RARS2: variants seen among roughly 807,000 people sequenced by gnomAD.
RARS2 encodes the protein arginyl-tRNA synthetase 2, mitochondrial, also known as probable arginine--tRNA ligase, mitochondrial.
Under a neutral mutation model 88.5 loss-of-function variants are expected in RARS2, and 67 were observed. The observed-to-expected ratio is 0.76, with a 90% CI of 0.62 to 0.93. RARS2 has a LOEUF of 0.93. Among genes scored for constraint, RARS2 ranks in the 40% least tolerant of loss-of-function variants. The pLI, the probability that RARS2 is intolerant of heterozygous loss-of-function variation, is 0.00. For synonymous variants in RARS2, 239 were observed against 230.3 expected (o/e 1.04, Z -0.34); for missense variants, 664 against 684.2 (o/e 0.97, Z 0.33).
intron 8 of RARS2, among the ~76,000 whole-genome samples, chr6:87,539,031 C>T (rs1253319416): frequency 7.0e-6 from 1 of 142,646 alleles, no homozygotes; most frequent in African/African-American, 2.7e-5. Flanking sequence ...AAGATCCTGT[C>T]TCACATAAAT....
At position 87,521,567 on chromosome 6, in the gene RARS2, C is replaced by T. The variant is rs3757371; in HGVS notation, c.975-43G>A. 0.046 allele frequency: 69,389 copies of T among 1,498,304 alleles called. 1,985 individuals are homozygous for T. Among genetic ancestry groups the T allele is most frequent in the African/African-American group, 0.12 (8,477 of 72,524 alleles). 92.8% of individuals were successfully genotyped at this position (1,498,304 alleles called of 1,614,324 possible). On this transcript the variant is annotated intron_variant, in intron 11 of 19. Coordinates refer to ENST00000369536, the MANE Select transcript of RARS2 (RefSeq NM_020320.5). ...TAAACCAAGAGTTACTAAGCAGATC[C>T]GGGTAATAATTGGTCTTACCTATTT...
chr6:87,582,365 G>A (rs1186595317), intron 1 of RARS2, among the ~76,000 whole-genome samples: 2 of 152,140 alleles, frequency 1.3e-5, no homozygotes, highest in African/African-American at 4.8e-5. Context: ...CAGTGATGTT[G>A]AGCTTTTTTT....
At chr6:87,574,292 C>T (rs918034834) in intron 1 of RARS2, among the ~76,000 whole-genome samples, 1 of 152,028 alleles carries the variant, frequency 6.6e-6, no homozygotes, top group Non-Finnish European at 1.5e-5. Context: ...GGCTAGTTTG[C>T]AAAAATTTAA....
At chr6:87,530,757 A>G in intron 9 of RARS2, 27 bp downstream of exon 9, 6 of 1,612,996 alleles carry the variant, frequency 3.7e-6, no homozygotes, top group Non-Finnish European at 5.1e-6. Context: ...GCATCATGGG[A>G]AAGCAGAAGG....
At chr6:87,525,680 C>T (rs2128040665) in intron 10 of RARS2, among the ~76,000 whole-genome samples, 1 of 151,992 alleles carries the variant, frequency 6.6e-6, no homozygotes, top group East Asian at 1.9e-4. Context: ...TCTCAAGTAG[C>T]TGGAATTAGG....
intron 3 of RARS2, 21 bp from the exon 4 acceptor site, chr6:87,562,806 A>T (rs1284399487): frequency 1.3e-6 from 2 of 1,582,592 alleles, no homozygotes; most frequent in East Asian, 4.5e-5. Flanking sequence ...CAAATCACAC[A>T]AAGTAGGTAT....
chr6:87,548,755 A>G, intron 5 of RARS2, 109 bp from the exon 6 acceptor site: 1 of 972,884 alleles, frequency 1.0e-6, no homozygotes, highest in East Asian at 2.6e-5. Flanking sequence ...GGCCTTTGGT[A>G]TTAGGGCAAA....
chr6:87,588,858 A>G (rs1167113609), intron 1 of RARS2, among the ~76,000 whole-genome samples: 1 of 152,122 alleles, frequency 6.6e-6, no homozygotes, highest in Non-Finnish European at 1.5e-5. Flanking sequence ...CCCATCAGTA[A>G]AATCTGACCT....
At chr6:87,523,891 T>C (rs1774806371) in intron 11 of RARS2, among the ~76,000 whole-genome samples, 1 of 152,216 alleles carries the variant, frequency 6.6e-6, no homozygotes. Context: ...TAAGCTCTTC[T>C]CACTTCCTAA....
In RARS2 at chr6:87,529,573, G is replaced by A; in HGVS notation, c.847C>T (p.Leu283=). 1 of 1,603,792 alleles carries A rather than the reference G, an allele frequency of 6.2e-7. No homozygotes were observed. Among genetic ancestry groups the A allele is most frequent in the African/African-American group, 1.3e-5 (1 of 74,792 alleles). The stretch of plus-strand genomic sequence containing the variant: ...TTCAGTAGGAGTCCTTTACTCTCCA[G>A]CAACTTTAAGACCTCTTGAGATTTT... The part of the protein sequence containing the change: ...REKSQEVLKL[L]ESKGLLLKTI... Residue 283 remains leucine (L), a synonymous_variant, in exon 10 of 20, where the codon CTG becomes TTG. Coordinates refer to ENST00000369536, the MANE Select transcript of RARS2 (RefSeq NM_020320.5).
Position 87,522,096 on chromosome 6 carries a change from C to T in RARS2, c.975-572G>A, listed in dbSNP as rs147210883. On this transcript the variant is annotated intron_variant, in intron 11 of 19. Coordinates refer to ENST00000369536, the MANE Select transcript of RARS2 (RefSeq NM_020320.5). Reference sequence around the variant, plus strand: ...CTGTAATCCCAAGCACTTTGGGAGGCTAAGGCGGGAGGTTCACGAGGTCAG... The same window carrying T: ...CTGTAATCCCAAGCACTTTGGGAGGTTAAGGCGGGAGGTTCACGAGGTCAG... 2.4e-3 allele frequency among the ~76,000 whole-genome samples: 360 copies of T among 152,188 alleles called. 4 individuals are homozygous for T. Among genetic ancestry groups the T allele is most frequent in the African/African-American group, 8.4e-3 (348 of 41,528 alleles).
chr6:87,577,901 C>T (rs140326156), intron 1 of RARS2, among the ~76,000 whole-genome samples: 375 of 152,328 alleles, frequency 2.5e-3, no homozygotes, highest in Non-Finnish European at 4.1e-3. Flanking sequence ...GTAAAAACCT[C>T]ATTTAGGAAA....
At chr6:87,521,402 A>G in intron 12 of RARS2, 62 bp downstream of exon 12, 1 of 1,315,468 alleles carries the variant, frequency 7.6e-7, no homozygotes, top group African/African-American at 1.4e-5. Flanking sequence ...CATGGCATCC[A>G]ATTTCTACCT....
chr6:87,570,888 CTTAA>C (rs1423856805), intron 1 of RARS2, among the ~76,000 whole-genome samples: 1 of 152,082 alleles, frequency 6.6e-6, no homozygotes, highest in Admixed American at 6.6e-5. Context: ...TCTTAAGTAC[CTTAA>C]TTTTTCTTTG....
At chr6:87,528,551 T>A (rs1776487099) in intron 10 of RARS2, among the ~76,000 whole-genome samples, 1 of 152,236 alleles carries the variant, frequency 6.6e-6, no homozygotes, top group Non-Finnish European at 1.5e-5. Flanking sequence ...ACAGGTAATA[T>A]TCAGCCTTAA....
At chr6:87,581,790 C>T (rs1007936046) in intron 1 of RARS2, among the ~76,000 whole-genome samples, 4 of 152,076 alleles carry the variant, frequency 2.6e-5, no homozygotes, top group Admixed American at 2.0e-4. Context: ...GTGTGTTCTT[C>T]CCCTCCCCAT....
intron 19 of RARS2, 106 bp from the exon 20 acceptor site, chr6:87,514,605 A>G: frequency 2.9e-6 from 3 of 1,030,764 alleles, no homozygotes; most frequent in Non-Finnish European, 4.5e-6. Context: ...AGCAGGAACA[A>G]TATGTCAAAG....
At chr6:87,567,506 A>G (rs888948853) in intron 2 of RARS2, among the ~76,000 whole-genome samples, 9 of 152,260 alleles carry the variant, frequency 5.9e-5, no homozygotes, top group Admixed American at 2.6e-4. Flanking sequence ...AATAAAATCG[A>G]GAGAATTAGA....
At chr6:87,585,752 T>TAAATAAAA (rs1356323066) in intron 1 of RARS2, among the ~76,000 whole-genome samples, 1 of 151,134 alleles carries the variant, frequency 6.6e-6, no homozygotes, top group Non-Finnish European at 1.5e-5. Flanking sequence ...AATAAATAAA[T>TAAATAAAA]AAAAATAAAA....
Sources: allele counts gnomAD v4.1 joint callset (sites outside exome capture counted in the v4.1 genomes callset), GRCh38; gene constraint gnomAD v4.1.1; transcripts MANE v1.5; gene names NCBI Gene and HGNC (gene_info 2026-07-23, HGNC 2026-07-21).